Variants in MTA3 observed in about 807,000 individuals in gnomAD.
The protein encoded by MTA3 is metastasis associated 1 family member 3.
A neutral mutation model predicts 83.5 loss-of-function variants in MTA3; 34 were observed. The ratio of observed to expected loss-of-function variants is 0.41; its 90% CI spans 0.31 to 0.54. MTA3 has a LOEUF of 0.54. Among genes scored for constraint, MTA3 ranks in the 20% least tolerant of loss-of-function variants. The pLI, the probability that MTA3 is intolerant of heterozygous loss-of-function variation, is 0.33. For missense variants in MTA3, 761 were observed against 726.4 expected (o/e 1.05, Z -0.55); for synonymous variants, 303 against 252.7 (o/e 1.20, Z -1.89).
chr2:42,708,792 T>C, intron 13 of MTA3, 82 bp from the exon 14 acceptor site: 1 of 1,461,314 alleles, frequency 6.8e-7, no homozygotes, highest in South Asian at 1.3e-5. Context: ...AAAGTTGCAC[T>C]TTTCTTTTGA....
At chr2:42,701,961 A>G (rs1192198291) in intron 11 of MTA3, among the ~76,000 whole-genome samples, 3 of 151,660 alleles carry the variant, frequency 2.0e-5, no homozygotes, top group Non-Finnish European at 4.4e-5. Context: ...CTGTAATCCC[A>G]GCACTTTGGG....
At chr2:42,682,674 T>A (rs1268379024) in intron 9 of MTA3, 85 bp downstream of exon 9, 2 of 1,261,068 alleles carry the variant, frequency 1.6e-6, no homozygotes, top group African/African-American at 3.0e-5. Flanking sequence ...AGTATTCATT[T>A]AGCAAGTTTG....
chr2:42,518,811 TAAAAATTAGC>T (rs1411852550), intron 2 of MTA3, among the ~76,000 whole-genome samples: 1 of 151,592 alleles, frequency 6.6e-6, no homozygotes, highest in Non-Finnish European at 1.5e-5. Flanking sequence ...ACAAATAATT[TAAAAATTAGC>T]CAGGCATGGT....
At chr2:42,711,526 A>C (rs1666609641) in intron 14 of MTA3, among the ~76,000 whole-genome samples, 1 of 152,164 alleles carries the variant, frequency 6.6e-6, no homozygotes, top group East Asian at 1.9e-4. Flanking sequence ...TCAGATTCTT[A>C]AATAATTTTA....
intron 6 of MTA3, among the ~76,000 whole-genome samples, chr2:42,655,698 G>A (rs1689104674): frequency 6.6e-6 from 1 of 152,154 alleles, no homozygotes; most frequent in African/African-American, 2.4e-5. Context: ...TACCTTCCGG[G>A]TTCAAGCGAT....
chr2:42,505,372 A>G (rs540719552), intron 2 of MTA3, among the ~76,000 whole-genome samples: 1 of 152,240 alleles, frequency 6.6e-6, no homozygotes, highest in South Asian at 2.1e-4. Flanking sequence ...AGCCTAGGTG[A>G]CAGAGTGAGA....
At chr2:42,627,975 C>T (rs1230862119) in intron 4 of MTA3, among the ~76,000 whole-genome samples, 1 of 151,774 alleles carries the variant, frequency 6.6e-6, no homozygotes, top group Admixed American at 6.6e-5. Context: ...ATCTCCGACT[C>T]CCGGGTTCAA....
chr2:42,524,034 T>G (rs907608227), intron 2 of MTA3, among the ~76,000 whole-genome samples: 1 of 152,144 alleles, frequency 6.6e-6, no homozygotes, highest in African/African-American at 2.4e-5. Flanking sequence ...ACAACTAATA[T>G]GATTGCCTCT....
At chr2:42,594,828 G>A (rs1252247893) in intron 3 of MTA3, among the ~76,000 whole-genome samples, 2 of 141,898 alleles carry the variant, frequency 1.4e-5, no homozygotes, top group African/African-American at 2.6e-5. Flanking sequence ...CTGGGTTCAC[G>A]CCATTCTCCC....
At chr2:42,629,150 G>C (rs1017444319) in intron 4 of MTA3, among the ~76,000 whole-genome samples, 4 of 152,122 alleles carry the variant, frequency 2.6e-5, no homozygotes, top group African/African-American at 9.7e-5. Context: ...TGTGATCTCA[G>C]CTCCCTGCAA....
intron 3 of MTA3, among the ~76,000 whole-genome samples, chr2:42,594,728 A>ATAT: frequency 4.2e-5 from 1 of 24,044 alleles, no homozygotes; most frequent in African/African-American, 2.2e-4. Context: ...ATATATATAT[A>ATAT]TTTTTTTTTT....
chr2:42,549,109 C>T (rs1466232762), intron 2 of MTA3, among the ~76,000 whole-genome samples: 3 of 137,636 alleles, frequency 2.2e-5, no homozygotes, highest in South Asian at 2.2e-4. Context: ...GGAGGCGGAG[C>T]TTGCAGTGAG....
chr2:42,561,784 T>C (rs1200955130), intron 2 of MTA3, among the ~76,000 whole-genome samples: 1 of 152,186 alleles, frequency 6.6e-6, no homozygotes, highest in African/African-American at 2.4e-5. Flanking sequence ...CTTTATTCTA[T>C]TATTCTGTTT....
At chr2:42,664,576 T>A (rs1212791439) in intron 8 of MTA3, among the ~76,000 whole-genome samples, 2 of 149,012 alleles carry the variant, frequency 1.3e-5, no homozygotes, top group Non-Finnish European at 3.0e-5. Context: ...TGGGTTCAAG[T>A]GTTTCTCCTG....
At chr2:42,594,508 G>A (rs1681451880) in intron 3 of MTA3, among the ~76,000 whole-genome samples, 1 of 150,290 alleles carries the variant, frequency 6.7e-6, no homozygotes, top group South Asian at 2.1e-4. Context: ...AAAGTGCCGG[G>A]ATTACAGGTG....
At position 42,513,022 on chromosome 2, in the gene MTA3, A is replaced by C. The variant is rs1348628124; in HGVS notation, c.-141+17768A>C. On this transcript the variant is annotated intron_variant, in intron 2 of 17. Coordinates refer to the MTA3 transcript ENST00000405592. The stretch of plus-strand genomic sequence containing the variant: ...TGTGAAAATGCAAGGTCTACAGATA[A>C]TTTTGCCACTTAATTTAAATCAGTC... Among the ~76,000 whole-genome samples, 4 of 152,152 alleles carry C rather than the reference A, an allele frequency of 2.6e-5. No homozygotes were observed. In the East Asian group the frequency reaches 7.7e-4, roughly 29 times the overall value.
At chr2:42,581,146 T>C (rs1406371542) in intron 3 of MTA3, among the ~76,000 whole-genome samples, 2 of 152,164 alleles carry the variant, frequency 1.3e-5, no homozygotes, top group Non-Finnish European at 2.9e-5. Flanking sequence ...AATTAATTGC[T>C]GACATGTAAA....
At chr2:42,732,316 C>T (rs1573794428) in intron 16 of MTA3, among the ~76,000 whole-genome samples, 2 of 152,340 alleles carry the variant, frequency 1.3e-5, no homozygotes, top group Admixed American at 6.5e-5. Flanking sequence ...CTTCTGTGCA[C>T]CCACAGGCTC....
intron 2 of MTA3, among the ~76,000 whole-genome samples, chr2:42,506,718 T>A (rs1275647628): frequency 6.6e-6 from 1 of 151,922 alleles, no homozygotes; most frequent in Non-Finnish European, 1.5e-5. Context: ...CTCGGCTCAC[T>A]GCAACCTCTG....
Sources: allele counts gnomAD v4.1 joint callset (sites outside exome capture counted in the v4.1 genomes callset), GRCh38; gene constraint gnomAD v4.1.1; transcripts MANE v1.5; gene names NCBI Gene and HGNC (gene_info 2026-07-23, HGNC 2026-07-21).